The following LYST variants were observed in gnomAD, a reference collection of about 807,000 sequenced individuals.
LYST encodes the protein lysosomal-trafficking regulator.
A neutral mutation model predicts 413.6 loss-of-function variants in LYST; 192 were observed. The observed-to-expected ratio is 0.46, with a 90% CI of 0.41 to 0.52. The LOEUF (loss-of-function observed/expected upper bound fraction) is 0.52. LYST is among the 20% of genes least tolerant of loss of function. The pLI is 0.00. For synonymous variants in LYST, 1,525 were observed against 1,567.3 expected (o/e 0.97, Z 0.64); for missense variants, 3,815 against 4,499.9 (o/e 0.85, Z 4.35).
At chr1:235,824,533 C>G (rs1035637998) in intron 3 of LYST, among the ~76,000 whole-genome samples, 1 of 152,048 alleles carries the variant, frequency 6.6e-6, no homozygotes, top group African/African-American at 2.4e-5. Flanking sequence ...CTAGTTGATA[C>G]GGGTGCCAAG....
chr1:235,734,478 C>G lies in LYST; in HGVS notation c.8535+5G>C, dbSNP rs748430581. 23 of 1,612,028 alleles carry G rather than the reference C, an allele frequency of 1.4e-5. No individual in the cohort carries two copies. Among genetic ancestry groups the G allele is most frequent in the Non-Finnish European group, 2.0e-5 (23 of 1,178,212 alleles). On this transcript the variant is annotated splice_donor_5th_base_variant and intron_variant, in intron 32 of 52. Coordinates refer to ENST00000389793, the MANE Select transcript of LYST (RefSeq NM_000081.4). ...TAAGAAAGTACTATGGTTTCATTGA[C>G]TCACCTCTTTGATCATTTTAATAAG...
At chr1:235,879,728 CT>C (rs1681292458) in intron 1 of LYST, among the ~76,000 whole-genome samples, 2 of 103,246 alleles carry the variant, frequency 1.9e-5, no homozygotes, top group African/African-American at 7.8e-5. Context: ...ATCTAACTTC[CT>C]TTCTTTCTTT....
chr1:235,844,983 G>A (rs1677628828), intron 1 of LYST, among the ~76,000 whole-genome samples: 1 of 152,062 alleles, frequency 6.6e-6, no homozygotes, highest in South Asian at 2.1e-4. Context: ...GGATCATGGC[G>A]AAGGGAGGCA....
intron 2 of LYST, 77 bp downstream of exon 2, chr1:235,833,501 C>T (rs1274201543): frequency 1.7e-5 from 4 of 235,466 alleles, no homozygotes; most frequent in Non-Finnish European, 2.8e-5. Flanking sequence ...TGGGGTTTAA[C>T]GAATGTCAGA....
rs761189650 is a variant in LYST, at chr1:235,702,749, G to A, written c.10372C>T (p.Pro3458Ser). The A allele has an allele frequency of 8.7e-6, 14 of 1,613,076 alleles. No homozygotes were observed. Among genetic ancestry groups the A allele is most frequent in the Non-Finnish European group, 1.0e-5 (12 of 1,179,218 alleles). The change falls in exon 45 of 53, where the codon CCG (proline) becomes TCG (serine). Residue 3458 changes from proline to serine, a missense_variant and splice_region_variant. Pro to Ser is a moderately conservative substitution (Grantham distance 74). Transcript: ENST00000389793. ...TREQVKEITY[P>S]SPLSWIKGLK... Reference sequence around the variant, plus strand: ...CGATTGAAATCCAAATGACATACCGGATAGGTGATTTCTTTGACCTGTTCT... The same window carrying A: ...CGATTGAAATCCAAATGACATACCGAATAGGTGATTTCTTTGACCTGTTCT...
At chr1:235,698,982 AT>A in intron 45 of LYST, among the ~76,000 whole-genome samples, 1 of 152,336 alleles carries the variant, frequency 6.6e-6, no homozygotes, top group Non-Finnish European at 1.5e-5. Context: ...AGGAATTCAT[AT>A]AAAAGGAACT....
At chr1:235,769,935 T>C (rs1668499800) in intron 20 of LYST, among the ~76,000 whole-genome samples, 1 of 152,124 alleles carries the variant, frequency 6.6e-6, no homozygotes, top group Admixed American at 6.6e-5. Flanking sequence ...TTAGTAATTG[T>C]ACTTTTGTAA....
intron 16 of LYST, 40 bp from the exon 17 acceptor site, chr1:235,777,348 T>G: frequency 6.3e-7 from 1 of 1,582,360 alleles, no homozygotes; most frequent in Non-Finnish European, 8.7e-7. Context: ...GACAACAAGT[T>G]TAAAATGCAA....
At chr1:235,663,658 C>T (rs1658202141) in intron 52 of LYST, among the ~76,000 whole-genome samples, 1 of 152,120 alleles carries the variant, frequency 6.6e-6, no homozygotes, top group Non-Finnish European at 1.5e-5. Flanking sequence ...TCTATTTTGT[C>T]AAGCACCCCT....
rs2103195095 is a variant in LYST at position 235,728,099 on chromosome 1, C to G, written c.9139G>C (p.Ala3047Pro). 6.2e-7 allele frequency: 1 copy of G among 1,612,870 alleles called. No individual in the cohort carries two copies. The highest frequency in any genetic ancestry group is 8.5e-7 in the Non-Finnish European group (1 of 1,179,032). Residue 3047 changes from alanine to proline, a missense_variant, in exon 38 of 53, where the codon GCT (alanine) becomes CCT (proline). Ala to Pro is a conservative substitution (Grantham distance 27). Around this residue, in one of 4 missense-constraint regions of LYST, gnomAD observed 866 missense variants for 1,156.0 expected, o/e 0.75. Transcript: ENST00000389793. ...KCGMYFVEDN[A>P]SDTVESSSLQ... ...ACCGAACTTTCAACTGTATCAGAAG[C>G]ATTATCTTCCACAAAATACATTCCA...
At chr1:235,861,107 T>C (rs1048353025) in intron 1 of LYST, among the ~76,000 whole-genome samples, 1 of 152,220 alleles carries the variant, frequency 6.6e-6, no homozygotes, top group Admixed American at 6.5e-5. Flanking sequence ...AGTAGTTTTA[T>C]AAACATTTCT....
intron 23 of LYST, 144 bp downstream of exon 23, chr1:235,758,824 CTGTT>C: frequency 2.9e-6 from 2 of 696,260 alleles, no homozygotes; most frequent in African/African-American, 1.8e-5. Flanking sequence ...ATATATCTTT[CTGTT>C]TGTTATTATT....
At chr1:235,705,221 A>G (rs1444909405) in intron 44 of LYST, among the ~76,000 whole-genome samples, 2 of 152,208 alleles carry the variant, frequency 1.3e-5, no homozygotes, top group Non-Finnish European at 2.9e-5. Context: ...GAGTCTCTGC[A>G]CTTAATCGCC....
At chr1:235,882,853 C>T (rs977483361) in intron 1 of LYST, among the ~76,000 whole-genome samples, 1 of 152,162 alleles carries the variant, frequency 6.6e-6, no homozygotes, top group East Asian at 1.9e-4. Flanking sequence ...TATAACTACG[C>T]CATGACCCAG....
intron 14 of LYST, among the ~76,000 whole-genome samples, chr1:235,783,876 CT>C (rs974877871): frequency 3.9e-4 from 40 of 102,670 alleles, no homozygotes; most frequent in South Asian, 1.4e-3. Context: ...TTTAGAAATT[CT>C]TTTTTTTTTT....
At chr1:235,737,193 A>G (rs1664895127) in intron 31 of LYST, 1 of 152,208 alleles carries the variant, frequency 6.6e-6, no homozygotes, top group African/African-American at 2.4e-5. Flanking sequence ...GACATCTTCA[A>G]CTGCACTCAG....
chr1:235,771,950 T>TG (rs752000050), intron 19 of LYST, among the ~76,000 whole-genome samples: 5 of 119,156 alleles, frequency 4.2e-5, no homozygotes, highest in African/African-American at 6.6e-5. Context: ...TGGCCAGGCA[T>TG]GGGGGGCTCA....
chr1:235,753,432 C>G (rs1666692582), intron 25 of LYST, among the ~76,000 whole-genome samples, 158 bp from the exon 26 acceptor site: 1 of 152,100 alleles, frequency 6.6e-6, no homozygotes, highest in African/African-American at 2.4e-5. Flanking sequence ...GACAGAGTCC[C>G]TCCAATAATA....
chr1:235,702,632 T>A, intron 45 of LYST, 115 bp downstream of exon 45: 1 of 869,778 alleles, frequency 1.1e-6, no homozygotes, highest in Non-Finnish European at 1.9e-6. Context: ...TGTCTTGCAC[T>A]GACTGGCACA....
Sources: allele counts gnomAD v4.1 joint callset (sites outside exome capture counted in the v4.1 genomes callset), GRCh38; gene constraint gnomAD v4.1.1; regional missense constraint gnomAD v4.1.1; transcripts MANE v1.5; gene names NCBI Gene and HGNC (gene_info 2026-07-23, HGNC 2026-07-21).